RIMKLA: variants seen among roughly 807,000 people sequenced by gnomAD.
RIMKLA encodes N-acetylaspartylglutamate synthase A.
RIMKLA carries 14 observed loss-of-function variants against 32.7 expected under a neutral mutation model. The observed-to-expected ratio is 0.43, with a 90% CI of 0.28 to 0.67. The LOEUF (loss-of-function observed/expected upper bound fraction) is 0.67, where lower values mean the gene tolerates loss of function less well. Among genes scored for constraint, RIMKLA ranks in the 30% least tolerant of loss-of-function variants. The pLI is 0.18. For missense variants in RIMKLA, 410 were observed against 519.0 expected (o/e 0.79, Z 2.04); for synonymous variants, 176 against 204.1 (o/e 0.86, Z 1.18).
At position 42,423,917 on chromosome 1, in the gene RIMKLA, G is replaced by A. The variant is rs1643315786; in HGVS notation, c.*8943G>A. Among the ~76,000 whole-genome samples, 2 of 152,086 alleles carry A rather than the reference G, an allele frequency of 1.3e-5. No homozygotes were observed. Among genetic ancestry groups the A allele is most frequent in the African/African-American group, 4.8e-5 (2 of 41,404 alleles). ...TCACAGCTCTTTAGAGCTCCTCAAG[G>A]GCCTAAGCATCTTTTGTTAGAAAAT... On this transcript the variant is annotated 3_prime_UTR_variant, in exon 5 of 5. Coordinates refer to ENST00000431473, the MANE Select transcript of RIMKLA (RefSeq NM_173642.4).
At chr1:42,402,110 C>A (rs1319826062) in intron 2 of RIMKLA, among the ~76,000 whole-genome samples, 1 of 152,116 alleles carries the variant, frequency 6.6e-6, no homozygotes, top group African/African-American at 2.4e-5. Context: ...GCCTCATTTT[C>A]TTTTTTAAAA....
Position 42,404,559 on chromosome 1 carries a change from G to C in RIMKLA, c.443G>C (p.Gly148Ala). ...ATGATTGATGAAGCTGAGCCCCTGG[G>C]CTACCCAGTCGTGGTGAAGAGCACA... ...SKMIDEAEPL[G>A]YPVVVKSTRG... Residue 148 changes from glycine to alanine, a missense_variant, in exon 3 of 5, where the codon GGC becomes GCC. Gly to Ala is a moderately conservative substitution (Grantham distance 60). Transcript: ENST00000431473. 6.2e-7 allele frequency: 1 copy of C among 1,613,674 alleles called. No individual in the cohort carries two copies. The highest frequency in any genetic ancestry group is 1.1e-5 in the South Asian group (1 of 91,060).
chr1:42,383,177 C>T lies in RIMKLA; in HGVS notation c.163+2080C>T, dbSNP rs536056870. On this transcript the variant is annotated intron_variant, in intron 1 of 4. Coordinates refer to ENST00000431473, the MANE Select transcript of RIMKLA (RefSeq NM_173642.4). ...CTGGGATTACAGGCGTGAGCCACCGCGTCCGGCCTGTTCTTTTTAACTACA... is the reference window on the plus strand; with the variant it reads ...CTGGGATTACAGGCGTGAGCCACCGTGTCCGGCCTGTTCTTTTTAACTACA... 3.2e-4 allele frequency among the ~76,000 whole-genome samples: 49 copies of T among 152,236 alleles called. 1 individual carries two copies. The South Asian group carries it at 5.0e-3, about 15-fold the overall frequency.
At chr1:42,411,337 A>T (rs1200653356) in intron 4 of RIMKLA, among the ~76,000 whole-genome samples, 2 of 117,830 alleles carry the variant, frequency 1.7e-5, no homozygotes, top group Non-Finnish European at 3.1e-5. Flanking sequence ...CCTATCTCTT[A>T]AAAAAAAAAA....
At chr1:42,391,027 C>T (rs1180395396) in intron 1 of RIMKLA, among the ~76,000 whole-genome samples, 3 of 152,186 alleles carry the variant, frequency 2.0e-5, no homozygotes, top group Non-Finnish European at 2.9e-5. Context: ...ATGGTAGCTT[C>T]TTGTGGGGTC....
At chr1:42,391,103 G>A (rs1030087401) in intron 1 of RIMKLA, among the ~76,000 whole-genome samples, 1 of 152,192 alleles carries the variant, frequency 6.6e-6, no homozygotes, top group African/African-American at 2.4e-5. Flanking sequence ...GGAGTGGTTG[G>A]AGATTAGAAT....
intron 1 of RIMKLA, among the ~76,000 whole-genome samples, chr1:42,395,676 G>A (rs1255923308): frequency 1.3e-5 from 2 of 152,134 alleles, no homozygotes; most frequent in Admixed American, 1.3e-4. Context: ...AACGATCCTG[G>A]GAGAGGTGAT....
At chr1:42,386,999 G>A (rs919679679) in intron 1 of RIMKLA, among the ~76,000 whole-genome samples, 6 of 151,662 alleles carry the variant, frequency 4.0e-5, no homozygotes, top group African/African-American at 1.5e-4. Context: ...CCTGGGAAGT[G>A]GAGGTTGCAG....
chr1:42,385,878 CTTTCTTTCTTTCTTT>C (rs1642940661), intron 1 of RIMKLA, among the ~76,000 whole-genome samples: 1 of 90,428 alleles, frequency 1.1e-5, no homozygotes, highest in African/African-American at 4.1e-5. Context: ...TTCTTTCTTT[CTTTCTTTCTTTCTTT>C]CTTTCCTTCT....
chr1:42,380,940 C>T lies in RIMKLA; in HGVS notation c.6C>T (p.Cys2=), dbSNP rs1353853176. 1.4e-6 allele frequency: 2 copies of T among 1,429,128 alleles called. No individual in the cohort carries two copies. The highest frequency in any genetic ancestry group is 1.8e-6 in the Non-Finnish European group (2 of 1,090,460). 88.5% of individuals were successfully genotyped at this position (1,429,128 alleles called of 1,614,324 possible). ...GGCGCACCGCCCTGGCCGCCATGTG[C>T]TCCCAGCTCTGGTTCCTGACGGACC... M[C]SQLWFLTDRR... The change falls in exon 1 of 5, where the codon TGC becomes TGT. Residue 2 remains cysteine, a synonymous_variant. Coordinates refer to ENST00000431473, the MANE Select transcript of RIMKLA (RefSeq NM_173642.4).
chr1:42,406,703 T>A (rs1487305188), intron 3 of RIMKLA, among the ~76,000 whole-genome samples: 1 of 152,200 alleles, frequency 6.6e-6, no homozygotes, highest in Admixed American at 6.5e-5. Flanking sequence ...TGTATGTATG[T>A]ATGCTTATTA....
intron 2 of RIMKLA, among the ~76,000 whole-genome samples, chr1:42,403,046 T>C (rs1183187893): frequency 6.6e-6 from 1 of 152,202 alleles, no homozygotes; most frequent in Non-Finnish European, 1.5e-5. Context: ...ACAAAACACA[T>C]GTATTTAGCA....
At position 42,380,858 on chromosome 1, in the gene RIMKLA, C is replaced by A; in HGVS notation, c.-77C>A. 1.9e-6 allele frequency: 2 copies of A among 1,044,038 alleles called. No individual in the cohort carries two copies. Among genetic ancestry groups the A allele is most frequent in the Non-Finnish European group, 2.4e-6 (2 of 838,528 alleles). 64.7% of individuals were successfully genotyped at this position (1,044,038 alleles called of 1,614,324 possible). A position where few individuals can be genotyped will look rare whatever the true frequency, so the allele number is the denominator to read the frequency against. On this transcript the variant is annotated 5_prime_UTR_variant, in exon 1 of 5. Coordinates refer to ENST00000431473, the MANE Select transcript of RIMKLA (RefSeq NM_173642.4). ...CGCTCGCCCCGGACGCCGGCCGCCC[C>A]TCCGCTCGCCCTACTGAGCGAGCGG...
chr1:42,389,410 A>C (rs961512926), intron 1 of RIMKLA, among the ~76,000 whole-genome samples: 1 of 152,168 alleles, frequency 6.6e-6, no homozygotes. Flanking sequence ...AGAAACTAGC[A>C]AAGAATCCTG....
chr1:42,383,632 T>C (rs1027253815), intron 1 of RIMKLA, among the ~76,000 whole-genome samples: 1 of 152,248 alleles, frequency 6.6e-6, no homozygotes, highest in Admixed American at 6.5e-5. Flanking sequence ...TATGTAGTTA[T>C]GATGATATTG....
In RIMKLA at chr1:42,414,601, C is replaced by G. The variant is rs1002007701; in HGVS notation, c.803C>G (p.Ser268Cys). The change falls in exon 5 of 5, where the codon TCC (serine) becomes TGC (cysteine). Residue 268 changes from serine to cysteine, a missense_variant. Transcript: ENST00000431473. ...GATCTCCTTATCATGGACGATGGCT[C>G]CTTTGTGGTGTGTGAGGCAAATGCT... ...GIDLLIMDDG[S>C]FVVCEANANV... The G allele has an allele frequency of 6.2e-7, 1 of 1,614,070 alleles. No individual in the cohort carries two copies. The highest frequency in any genetic ancestry group is 8.5e-7 in the Non-Finnish European group (1 of 1,180,038).
intron 2 of RIMKLA, among the ~76,000 whole-genome samples, chr1:42,402,313 T>C (rs72964222): frequency 0.18 from 26,944 of 152,188 alleles, 2,485 homozygotes; most frequent in East Asian, 0.22. Flanking sequence ...GCTAAGCAGA[T>C]GACCTTAAGA....
intron 1 of RIMKLA, among the ~76,000 whole-genome samples, chr1:42,393,369 G>GAGACTATAATCTCCTGGT (rs900194946): frequency 1.3e-5 from 2 of 152,192 alleles, no homozygotes; most frequent in African/African-American, 4.8e-5. Context: ...TCTCTGTGAG[G>GAGACTATAATCTCCTGGT]AGACTATAAT....
Position 42,410,158 on chromosome 1 carries a change from A to G in RIMKLA, c.656A>G (p.Asp219Gly). ...VIGSMLRCST[D>G]GRMQSNCSLG... Reference sequence around the variant, plus strand: ...GGCTCTATGCTTCGCTGCTCCACTGATGGACGGATGCAGAGCAACTGCTCT... The same window carrying G: ...GGCTCTATGCTTCGCTGCTCCACTGGTGGACGGATGCAGAGCAACTGCTCT... Residue 219 changes from aspartate to glycine, a missense_variant, in exon 4 of 5, where the codon GAT (aspartate) becomes GGT (glycine). Asp to Gly is a moderately conservative substitution (Grantham distance 94, BLOSUM62 -1). Coordinates refer to ENST00000431473, the MANE Select transcript of RIMKLA (RefSeq NM_173642.4). 2.5e-6 allele frequency: 4 copies of G among 1,614,080 alleles called. 1 individual carries two copies. In the South Asian group the frequency reaches 3.3e-5, roughly 13 times the overall value.
Sources: allele counts gnomAD v4.1 joint callset (sites outside exome capture counted in the v4.1 genomes callset), GRCh38; gene constraint gnomAD v4.1.1; transcripts MANE v1.5; gene names NCBI Gene and HGNC (gene_info 2026-07-23, HGNC 2026-07-21).